RABGAP1L: variants seen among roughly 807,000 people sequenced by gnomAD.
RABGAP1L encodes the protein rab GTPase-activating protein 1-like.
A neutral mutation model predicts 137.7 loss-of-function variants in RABGAP1L; 63 were observed. That is an observed-to-expected ratio of 0.46 (90% CI 0.37 to 0.56). The LOEUF is 0.56. Ranked by LOEUF, RABGAP1L falls within the 20% of genes least tolerant of loss-of-function variation. The pLI is 0.00. For missense variants in RABGAP1L, 1,095 were observed against 1,244.0 expected, an observed-to-expected ratio of 0.88 and a Z score of 1.80; for synonymous variants, 431 against 433.7, an observed-to-expected ratio of 0.99 and a Z score of 0.08.
At chr1:174,621,177 C>G (rs1012403731) in intron 13 of RABGAP1L, among the ~76,000 whole-genome samples, 4 of 152,124 alleles carry the variant, frequency 2.6e-5, no homozygotes, top group African/African-American at 7.2e-5. Context: ...AGGAGAACTA[C>G]AAACCACTGC....
intron 10 of RABGAP1L, among the ~76,000 whole-genome samples, chr1:174,282,480 A>G (rs921735858): frequency 1.3e-5 from 2 of 151,958 alleles, no homozygotes. Flanking sequence ...TGTTTGTCTT[A>G]CTGAGTTGCA....
At chr1:174,970,166 C>G (rs1377634681) in intron 21 of RABGAP1L, among the ~76,000 whole-genome samples, 1 of 152,144 alleles carries the variant, frequency 6.6e-6, no homozygotes, top group African/African-American at 2.4e-5. Flanking sequence ...CATTTGGAAG[C>G]TGTGAGAAGT....
At chr1:174,614,417 C>G (rs1671588240) in intron 13 of RABGAP1L, among the ~76,000 whole-genome samples, 1 of 152,210 alleles carries the variant, frequency 6.6e-6, no homozygotes, top group African/African-American at 2.4e-5. Context: ...CCACTCTCTT[C>G]TGGCTTGTAG....
At chr1:174,170,643 C>G (rs1010691842) in intron 1 of RABGAP1L, among the ~76,000 whole-genome samples, 2 of 147,940 alleles carry the variant, frequency 1.4e-5, no homozygotes, top group African/African-American at 5.1e-5. Flanking sequence ...CCACTGCACT[C>G]CAGCCTGGAC....
intron 19 of RABGAP1L, among the ~76,000 whole-genome samples, chr1:174,951,836 G>A (rs1195033132): frequency 6.6e-6 from 1 of 152,144 alleles, no homozygotes; most frequent in Non-Finnish European, 1.5e-5. Context: ...CACCCAAAAT[G>A]CCAATAATAT....
intron 13 of RABGAP1L, among the ~76,000 whole-genome samples, chr1:174,610,751 C>A (rs1427230384): frequency 1.3e-5 from 2 of 152,228 alleles, no homozygotes; most frequent in African/African-American, 2.4e-5. Context: ...ACCATTCTAA[C>A]TGGTGTGAGA....
At chr1:174,489,662 A>G (rs1279881868) in intron 13 of RABGAP1L, among the ~76,000 whole-genome samples, 4 of 152,202 alleles carry the variant, frequency 2.6e-5, no homozygotes, top group Non-Finnish European at 5.9e-5. Context: ...CATTTGACCC[A>G]GCCATCCCAT....
At chr1:174,673,607 A>G (rs959004292) in intron 14 of RABGAP1L, among the ~76,000 whole-genome samples, 1 of 152,184 alleles carries the variant, frequency 6.6e-6, no homozygotes, top group Non-Finnish European at 1.5e-5. Flanking sequence ...CATTCTTTTT[A>G]AAAAATAAGG....
chr1:174,405,787 G>C (rs1055736582), intron 13 of RABGAP1L, among the ~76,000 whole-genome samples: 1 of 152,048 alleles, frequency 6.6e-6, no homozygotes, highest in African/African-American at 2.4e-5. Context: ...AGACCAGCCT[G>C]GGCCACATGG....
At chr1:174,947,216 T>C (rs1424584064) in intron 19 of RABGAP1L, among the ~76,000 whole-genome samples, 1 of 118,750 alleles carries the variant, frequency 8.4e-6, no homozygotes, top group Non-Finnish European at 1.6e-5. Flanking sequence ...TTTTTTCTTT[T>C]TTTTTTTTTC....
intron 13 of RABGAP1L, among the ~76,000 whole-genome samples, chr1:174,449,374 G>A (rs1467830648): frequency 6.6e-6 from 1 of 152,136 alleles, no homozygotes; most frequent in Non-Finnish European, 1.5e-5. Flanking sequence ...CTAAAGGGAA[G>A]GATGTATAGA....
intron 19 of RABGAP1L, among the ~76,000 whole-genome samples, chr1:174,864,521 A>G (rs1176920584): frequency 6.6e-6 from 1 of 152,206 alleles, no homozygotes; most frequent in Admixed American, 6.5e-5. Flanking sequence ...GGCAGGAAGG[A>G]GAAGAATGCG....
intron 13 of RABGAP1L, among the ~76,000 whole-genome samples, chr1:174,614,713 A>G (rs1005639846): frequency 6.6e-6 from 1 of 152,190 alleles, no homozygotes; most frequent in African/African-American, 2.4e-5. Flanking sequence ...TTTCAGGTAC[A>G]CCAATCAGAC....
intron 24 of RABGAP1L, among the ~76,000 whole-genome samples, chr1:174,987,931 TC>T (rs1671742800): frequency 6.6e-6 from 1 of 152,098 alleles, no homozygotes; most frequent in East Asian, 1.9e-4. Context: ...TGCCTCAGCC[TC>T]CCGAGTAGCT....
At chr1:174,513,393 A>G (rs1362333459) in intron 13 of RABGAP1L, among the ~76,000 whole-genome samples, 1 of 152,058 alleles carries the variant, frequency 6.6e-6, no homozygotes, top group East Asian at 1.9e-4. Flanking sequence ...GGAACGCTTG[A>G]GGCTAGGAGA....
At chr1:174,315,427 G>A (rs1435293635) in intron 11 of RABGAP1L, among the ~76,000 whole-genome samples, 2 of 152,054 alleles carry the variant, frequency 1.3e-5, no homozygotes, top group East Asian at 1.9e-4. Context: ...AGATCAATGG[G>A]TTTTGCTTTT....
intron 18 of RABGAP1L, among the ~76,000 whole-genome samples, chr1:174,780,092 A>T (rs1452128086): frequency 5.3e-5 from 8 of 149,726 alleles, no homozygotes; most frequent in African/African-American, 1.7e-4. Flanking sequence ...ATAAATAAAT[A>T]AATAAATAAA....
intron 19 of RABGAP1L, among the ~76,000 whole-genome samples, chr1:174,882,897 C>G (rs901929357): frequency 6.6e-6 from 1 of 151,954 alleles, no homozygotes; most frequent in African/African-American, 2.4e-5. Context: ...TTGATCTCTG[C>G]TCACTGCAAC....
intron 13 of RABGAP1L, among the ~76,000 whole-genome samples, chr1:174,478,068 C>G (rs1658687225): frequency 6.6e-6 from 1 of 151,540 alleles, no homozygotes. Flanking sequence ...ATTTATGAGG[C>G]AGCATATTTT....
Sources: gnomAD v4.1 joint callset for allele counts (sites outside exome capture counted in the v4.1 genomes callset) on GRCh38, gnomAD v4.1.1 for gene constraint, MANE v1.5 for transcripts, NCBI Gene and HGNC (gene_info 2026-07-23, HGNC 2026-07-21) for gene names.